The following CCDC192 variants were observed in gnomAD, a reference collection of about 807,000 sequenced individuals.
The protein encoded by CCDC192 is coiled-coil domain-containing protein 192.
chr5:127,748,622 T>C (rs2126858209), intron 2 of CCDC192, among the ~76,000 whole-genome samples: 1 of 146,172 alleles, frequency 6.8e-6, no homozygotes, highest in African/African-American at 2.5e-5. Flanking sequence ...AACTTTAAAG[T>C]AGTTTTTTCC....
At chr5:127,789,883 G>T (rs1756766120) in intron 3 of CCDC192, among the ~76,000 whole-genome samples, 1 of 152,224 alleles carries the variant, frequency 6.6e-6, no homozygotes, top group Non-Finnish European at 1.5e-5. Context: ...GTCACCTGGA[G>T]CCATGAGAGC....
intron 2 of CCDC192, among the ~76,000 whole-genome samples, chr5:127,737,325 T>G (rs1277104111): frequency 6.6e-6 from 1 of 152,172 alleles, no homozygotes; most frequent in East Asian, 1.9e-4. Context: ...TCTTTTACAT[T>G]TGCTGAGGAG....
chr5:127,776,695 T>C (rs1305810863), intron 3 of CCDC192, among the ~76,000 whole-genome samples: 1 of 152,156 alleles, frequency 6.6e-6, no homozygotes, highest in African/African-American at 2.4e-5. Context: ...ACTGGGCCCA[T>C]GGTCCCTCTG....
chr5:127,779,452 C>A (rs553402830), intron 3 of CCDC192, among the ~76,000 whole-genome samples: 2 of 151,914 alleles, frequency 1.3e-5, no homozygotes, highest in Non-Finnish European at 2.9e-5. Context: ...CCCGCCACCA[C>A]GCCTGGCTAA....
chr5:127,822,332 C>T (rs1749330330), intron 5 of CCDC192, among the ~76,000 whole-genome samples: 1 of 152,100 alleles, frequency 6.6e-6, no homozygotes, highest in African/African-American at 2.4e-5. Flanking sequence ...AGATTAGAAA[C>T]AGTTAACAGC....
At chr5:127,884,342 CAAAAAA>C (rs778430655) in intron 6 of CCDC192, among the ~76,000 whole-genome samples, 16 of 11,848 alleles carry the variant, frequency 1.4e-3, no homozygotes, top group East Asian at 7.8e-3. Context: ...GACTCCGTCT[CAAAAAA>C]AAAAAAAAAA....
intron 2 of CCDC192, among the ~76,000 whole-genome samples, chr5:127,735,700 G>T: frequency 7.7e-6 from 1 of 130,450 alleles, no homozygotes; most frequent in African/African-American, 3.5e-5. Flanking sequence ...ATTTTGAATG[G>T]GAGTTCACTC....
intron 2 of CCDC192, among the ~76,000 whole-genome samples, chr5:127,747,467 T>C (rs1436508385): frequency 3.3e-5 from 5 of 152,168 alleles, no homozygotes; most frequent in Non-Finnish European, 5.9e-5. Context: ...TAGTATTCCA[T>C]GGTGTATATG....
rs552016979 is a variant in CCDC192, at chr5:127,920,578, T to C, written c.536-20604T>C. Among the ~76,000 whole-genome samples, 5 of 151,952 alleles carry C rather than the reference T, an allele frequency of 3.3e-5. No individual in the cohort carries two copies. In the East Asian group the frequency reaches 9.8e-4, roughly 30 times the overall value. ...GGTGCTTGCCACCACACCTGGCTAA[T>C]TTTTGTATTTTTAGTAGAGATGAGG... On this transcript the variant is annotated intron_variant, in intron 6 of 6. Coordinates refer to ENST00000514853, the MANE Select transcript of CCDC192 (RefSeq NM_001317938.2).
At chr5:127,840,012 A>AT (rs558848027) in intron 5 of CCDC192, among the ~76,000 whole-genome samples, 28 of 152,204 alleles carry the variant, frequency 1.8e-4, no homozygotes, top group Non-Finnish European at 4.0e-4. Context: ...GACACTTAAT[A>AT]AACACTTAAC....
At chr5:127,824,115 C>T (rs1749417858) in intron 5 of CCDC192, among the ~76,000 whole-genome samples, 1 of 152,076 alleles carries the variant, frequency 6.6e-6, no homozygotes, top group South Asian at 2.1e-4. Context: ...AATATTAGGC[C>T]TAAAGGAGCC....
At chr5:127,798,292 A>G (rs998760815) in intron 5 of CCDC192, 130 bp downstream of exon 5, 4 of 389,870 alleles carry the variant, frequency 1.0e-5, no homozygotes, top group African/African-American at 4.1e-5. Flanking sequence ...AAAAATGAGT[A>G]TTTTTACTGC....
chr5:127,834,419 T>C (rs1358734704), intron 5 of CCDC192, among the ~76,000 whole-genome samples: 1 of 152,210 alleles, frequency 6.6e-6, no homozygotes, highest in Non-Finnish European at 1.5e-5. Context: ...TAAATAAACT[T>C]CTGCTTTTCT....
At chr5:127,901,819 T>C (rs1423659565) in intron 6 of CCDC192, among the ~76,000 whole-genome samples, 5 of 152,192 alleles carry the variant, frequency 3.3e-5, no homozygotes, top group Non-Finnish European at 5.9e-5. Flanking sequence ...GTCCAAATAC[T>C]ATTTTGTATT....
At chr5:127,866,148 C>T (rs921712808) in intron 5 of CCDC192, among the ~76,000 whole-genome samples, 31 of 152,008 alleles carry the variant, frequency 2.0e-4, no homozygotes, top group Admixed American at 1.3e-4. Context: ...AGCAATGCTA[C>T]GTGGTTATGA....
chr5:127,832,225 A>C lies in CCDC192; in HGVS notation c.411+34063A>C, dbSNP rs544801406. The stretch of plus-strand genomic sequence containing the variant: ...CAATTTCACACTCATCTGATTGGAT[A>C]AAATAGAAGAGGCTTCAATACTAGA... On this transcript the variant is annotated intron_variant, in intron 5 of 6. Transcript: ENST00000514853. Among the ~76,000 whole-genome samples the C allele has an allele frequency of 4.5e-4, 69 of 152,352 alleles. 1 individual carries two copies. The highest frequency in any genetic ancestry group is 1.6e-3 in the African/African-American group (68 of 41,594).
chr5:127,719,746 T>C (rs1484765742), intron 2 of CCDC192, among the ~76,000 whole-genome samples: 2 of 147,840 alleles, frequency 1.4e-5, no homozygotes, highest in Non-Finnish European at 3.0e-5. Flanking sequence ...ACAGAAAGCA[T>C]GGCTGGGAGG....
intron 6 of CCDC192, among the ~76,000 whole-genome samples, chr5:127,926,578 A>C (rs1164576731): frequency 6.6e-6 from 1 of 152,224 alleles, no homozygotes; most frequent in Admixed American, 6.5e-5. Context: ...CTAAATCAAC[A>C]GAACTTTGTG....
intron 5 of CCDC192, among the ~76,000 whole-genome samples, chr5:127,865,008 G>A (rs914731308): frequency 1.3e-5 from 2 of 152,090 alleles, no homozygotes; most frequent in African/African-American, 2.4e-5. Context: ...TTGGCCAGGC[G>A]TGGTGGCACG....
Sources: allele counts gnomAD v4.1 joint callset (sites outside exome capture counted in the v4.1 genomes callset), GRCh38; gene constraint gnomAD v4.1.1; transcripts MANE v1.5; gene names NCBI Gene and HGNC (gene_info 2026-07-23, HGNC 2026-07-21).